Variants in DMD observed in about 807,000 individuals in gnomAD.
The protein encoded by DMD is mutant dystrophin.
In DMD, 63 loss-of-function variants were observed where a neutral mutation model predicts 330.1. That is an observed-to-expected ratio of 0.19 (90% CI 0.16 to 0.24). DMD has a LOEUF of 0.24. Ranked by LOEUF, DMD falls within the 10% of genes least tolerant of loss-of-function variation. The probability of loss-of-function intolerance (pLI) is 1.00; values close to 1 mark genes in which losing one functional copy is unlikely to be tolerated. For synonymous variants in DMD, 1,223 were observed against 959.8 expected, an observed-to-expected ratio of 1.27 and a Z score of -5.07; for missense variants, 3,344 against 2,684.1, an observed-to-expected ratio of 1.25 and a Z score of -5.43.
At chrX:32,581,344 T>C (rs1430468340) in intron 13 of DMD, among the ~76,000 whole-genome samples, 7 of 112,176 alleles carry the variant, frequency 6.2e-5, no homozygotes, top group Non-Finnish European at 1.3e-4. Context: ...CAGGGCAACT[T>C]GACTCCTGCT....
chrX:32,787,247 T>TCA (rs2075449488), intron 7 of DMD, among the ~76,000 whole-genome samples: 1 of 77,570 alleles, frequency 1.3e-5, no homozygotes, highest in African/African-American at 5.0e-5. Flanking sequence ...TGTGTGTGTG[T>TCA]GAGAGAGAGA....
chrX:32,539,253 A>T (rs2048279105), intron 17 of DMD, among the ~76,000 whole-genome samples: 1 of 109,836 alleles, frequency 9.1e-6, no homozygotes, highest in South Asian at 4.0e-4. Flanking sequence ...TTTAATACAT[A>T]AAAAGTAACA....
At chrX:32,427,952 A>G (rs757272955) in intron 29 of DMD, among the ~76,000 whole-genome samples, 2 of 111,631 alleles carry the variant, frequency 1.8e-5, no homozygotes, top group African/African-American at 6.5e-5. Context: ...CTGTAGTTAT[A>G]ACATTTTCAT....
chrX:32,742,903 T>C (rs1363367940), intron 7 of DMD, among the ~76,000 whole-genome samples: 1 of 111,952 alleles, frequency 8.9e-6, no homozygotes, highest in Admixed American at 9.5e-5. Flanking sequence ...ATTTTACAGA[T>C]GAAGAAACGA....
chrX:32,646,621 T>C (rs2059801378), intron 9 of DMD, among the ~76,000 whole-genome samples: 1 of 111,484 alleles, frequency 9.0e-6, no homozygotes, highest in African/African-American at 3.3e-5. Context: ...GTGTATGTGC[T>C]ACATTTCCTG....
intron 7 of DMD, among the ~76,000 whole-genome samples, chrX:32,704,085 T>G (rs1270155958): frequency 8.9e-6 from 1 of 111,918 alleles, no homozygotes; most frequent in Non-Finnish European, 1.9e-5. Context: ...GATGAGTGTT[T>G]CATATTTGAG....
chrX:32,544,114 GT>G (rs2048744340), intron 17 of DMD, among the ~76,000 whole-genome samples: 1 of 111,941 alleles, frequency 8.9e-6, no homozygotes, highest in African/African-American at 3.2e-5. Context: ...GCAGGTCTTA[GT>G]TTGGTGACCC....
chrX:32,455,367 A>G (rs1355493191), intron 25 of DMD, among the ~76,000 whole-genome samples: 1 of 111,515 alleles, frequency 9.0e-6, no homozygotes, highest in Non-Finnish European at 1.9e-5. Flanking sequence ...ATGTTCTAAT[A>G]CCATTTATAG....
intron 44 of DMD, among the ~76,000 whole-genome samples, chrX:32,077,486 T>C (rs758585651): frequency 2.3e-3 from 258 of 111,811 alleles, no homozygotes; most frequent in African/African-American, 5.9e-3. Flanking sequence ...TTCTAAAACA[T>C]TTTTCAGATC....
intron 2 of DMD, among the ~76,000 whole-genome samples, chrX:32,922,165 C>T (rs926537060): frequency 3.7e-5 from 4 of 106,960 alleles, no homozygotes; most frequent in Non-Finnish European, 7.7e-5. Context: ...GGTTTGAAAG[C>T]CCTGACATGA....
intron 1 of DMD, among the ~76,000 whole-genome samples, chrX:33,289,328 G>T (rs2053480366): frequency 9.0e-6 from 1 of 110,599 alleles, no homozygotes; most frequent in African/African-American, 3.3e-5. Flanking sequence ...GTAGAATATG[G>T]GATTTGAGTC....
intron 49 of DMD, among the ~76,000 whole-genome samples, chrX:31,831,830 C>T (rs1308508483): frequency 4.4e-5 from 5 of 112,428 alleles, no homozygotes; most frequent in Non-Finnish European, 9.4e-5. Flanking sequence ...TCTCGATCTC[C>T]TGACTTTGTG....
intron 51 of DMD, among the ~76,000 whole-genome samples, chrX:31,736,659 A>T (rs2086893505): frequency 8.9e-6 from 1 of 112,093 alleles, no homozygotes; most frequent in African/African-American, 3.2e-5. Context: ...AGGAACTTAT[A>T]ATCTAGCAAA....
At chrX:31,559,360 C>CTCTGGTTCCAGTGTAAATTCTT (rs2075042729) in intron 55 of DMD, among the ~76,000 whole-genome samples, 5 of 99,437 alleles carry the variant, frequency 5.0e-5, no homozygotes, top group East Asian at 3.3e-4. Context: ...GACTTCTTGG[C>CTCTGGTTCCAGTGTAAATTCTT]TGCCGGGCGC....
At chrX:32,053,473 T>G (rs1410444973) in intron 44 of DMD, among the ~76,000 whole-genome samples, 1 of 111,419 alleles carries the variant, frequency 9.0e-6, no homozygotes, top group African/African-American at 3.3e-5. Context: ...AAAGGTACAT[T>G]TCTTCACTTT....
chrX:32,754,833 T>C (rs754547958), intron 7 of DMD: 2 of 111,892 alleles, frequency 1.8e-5, no homozygotes, highest in African/African-American at 6.5e-5. Flanking sequence ...ATTAAATCAT[T>C]GTGCAGATGG....
At chrX:33,043,184 A>T (rs1159022906) in intron 1 of DMD, among the ~76,000 whole-genome samples, 1 of 112,263 alleles carries the variant, frequency 8.9e-6, no homozygotes, top group Non-Finnish European at 1.9e-5. Flanking sequence ...ACGAACAGGG[A>T]AAATGTGAAC....
intron 62 of DMD, among the ~76,000 whole-genome samples, chrX:31,297,156 T>C (rs934996924): frequency 4.5e-5 from 5 of 111,460 alleles, no homozygotes; most frequent in African/African-American, 1.6e-4. Flanking sequence ...TCTGTAATTA[T>C]ATACTACATC....
At chrX:31,975,387 T>C (rs1285663506) in intron 44 of DMD, among the ~76,000 whole-genome samples, 1 of 112,169 alleles carries the variant, frequency 8.9e-6, no homozygotes, top group Non-Finnish European at 1.9e-5. Flanking sequence ...CGTTCAAGGA[T>C]TTATTTAATC....
Sources: allele counts gnomAD v4.1 joint callset (sites outside exome capture counted in the v4.1 genomes callset), GRCh38; gene constraint gnomAD v4.1.1; transcripts MANE v1.5; gene names NCBI Gene and HGNC (gene_info 2026-07-23, HGNC 2026-07-21).